DISC1: variants seen among roughly 807,000 people sequenced by gnomAD.
DISC1 encodes DISC1 scaffold protein, also known as disrupted in schizophrenia 1 protein.
DISC1 carries 57 observed loss-of-function variants against 84.5 expected under a neutral mutation model. That is an observed-to-expected ratio of 0.67 (90% CI 0.55 to 0.84). The LOEUF (loss-of-function observed/expected upper bound fraction) is 0.84, where lower values mean the gene tolerates loss of function less well. Among genes scored for constraint, DISC1 ranks in the 40% least tolerant of loss-of-function variants. The probability of loss-of-function intolerance (pLI) is 0.00; values close to 1 mark genes in which losing one functional copy is unlikely to be tolerated. For missense variants in DISC1, 1,000 were observed against 1,057.8 expected (o/e 0.95, Z 0.76); for synonymous variants, 411 against 415.2 (o/e 0.99, Z 0.12).
At chr1:231,769,101 C>T (rs1407720547) in intron 5 of DISC1, among the ~76,000 whole-genome samples, 1 of 152,122 alleles carries the variant, frequency 6.6e-6, no homozygotes, top group Non-Finnish European at 1.5e-5. Flanking sequence ...AACAGGGAAC[C>T]ATTGGATGGT....
chr1:231,966,155 T>C (rs1450938131), intron 10 of DISC1, among the ~76,000 whole-genome samples: 1 of 152,218 alleles, frequency 6.6e-6, no homozygotes, highest in Non-Finnish European at 1.5e-5. Context: ...CTTGACACTA[T>C]ATTCTCAACT....
At chr1:231,861,569 A>C (rs1041719922) in intron 9 of DISC1, among the ~76,000 whole-genome samples, 1 of 129,146 alleles carries the variant, frequency 7.7e-6, no homozygotes, top group Non-Finnish European at 1.6e-5. Context: ...ATTTGTATTT[A>C]TTTCTTTTTG....
chr1:231,867,349 A>C (rs2085134162), intron 9 of DISC1, among the ~76,000 whole-genome samples: 1 of 152,238 alleles, frequency 6.6e-6, no homozygotes, highest in Non-Finnish European at 1.5e-5. Flanking sequence ...TTTGCTTCAG[A>C]TGAGAATAGG....
chr1:231,982,734 C>T (rs1339151398), intron 10 of DISC1, among the ~76,000 whole-genome samples: 5 of 151,526 alleles, frequency 3.3e-5, no homozygotes, highest in Non-Finnish European at 7.4e-5. Context: ...CAGGTCATTG[C>T]AGGCAGAAAA....
intron 3 of DISC1, among the ~76,000 whole-genome samples, chr1:231,737,744 A>C (rs1347773162): frequency 6.6e-6 from 1 of 152,248 alleles, no homozygotes; most frequent in South Asian, 2.1e-4. Flanking sequence ...GTATGCTACA[A>C]AGAGCTCACA....
At chr1:232,026,772 T>C (rs1316969891) in intron 12 of DISC1, among the ~76,000 whole-genome samples, 2 of 142,278 alleles carry the variant, frequency 1.4e-5, no homozygotes, top group East Asian at 2.0e-4. Context: ...CTTTTTTTTT[T>C]TTTTTTTTTT....
intron 4 of DISC1, chr1:231,750,392 A>T: frequency 8.8e-7 from 1 of 1,136,932 alleles, no homozygotes; most frequent in South Asian, 3.0e-5. Context: ...CCTCTTGTTG[A>T]GGCAGCTTGG....
chr1:231,732,966 G>C (rs2071739415), intron 3 of DISC1, among the ~76,000 whole-genome samples: 1 of 152,092 alleles, frequency 6.6e-6, no homozygotes, highest in South Asian at 2.1e-4. Flanking sequence ...AGTGGTGATA[G>C]GAGTGGTGGT....
At chr1:232,006,342 A>G (rs1308176951) in intron 10 of DISC1, among the ~76,000 whole-genome samples, 1 of 152,206 alleles carries the variant, frequency 6.6e-6, no homozygotes, top group Non-Finnish European at 1.5e-5. Flanking sequence ...GCTTTGACCA[A>G]AATGCTGATA....
At chr1:231,963,738 G>A (rs1279986030) in intron 10 of DISC1, among the ~76,000 whole-genome samples, 1 of 152,152 alleles carries the variant, frequency 6.6e-6, no homozygotes, top group African/African-American at 2.4e-5. Context: ...AGCTTTATTC[G>A]GCTAGGAGCT....
At chr1:231,783,226 G>A (rs1449606602) in intron 6 of DISC1, among the ~76,000 whole-genome samples, 1 of 152,100 alleles carries the variant, frequency 6.6e-6, no homozygotes, top group Non-Finnish European at 1.5e-5. Flanking sequence ...ATCTTGTTTG[G>A]ACATTTAAAT....
rs546761980 is a variant in DISC1 at position 231,924,215 on chromosome 1, G to T, written c.1982-34613G>T. Among the ~76,000 whole-genome samples the T allele has an allele frequency of 2.6e-5, 4 of 152,310 alleles. No individual in the cohort carries two copies. In the East Asian group the frequency reaches 7.7e-4, roughly 29 times the overall value. ...GCATCCTGGAAAAGAAAGGCACAGG[G>T]TAAAGCCTGCCTCCTTTGCGGGTCC... On this transcript the variant is annotated intron_variant, in intron 9 of 12. Coordinates refer to ENST00000439617, the MANE Select transcript of DISC1 (RefSeq NM_018662.3).
At chr1:231,718,053 A>C (rs1427360682) in intron 3 of DISC1, among the ~76,000 whole-genome samples, 1 of 152,038 alleles carries the variant, frequency 6.6e-6, no homozygotes, top group African/African-American at 2.4e-5. Context: ...GTGGACTTTC[A>C]GCTCTCCCGG....
chr1:231,864,259 A>G (rs1287779824), intron 9 of DISC1, among the ~76,000 whole-genome samples: 1 of 152,124 alleles, frequency 6.6e-6, no homozygotes, highest in Non-Finnish European at 1.5e-5. Flanking sequence ...TTCCTACATC[A>G]GGCTTCCCTA....
At chr1:231,715,560 C>G (rs1395089226) in intron 3 of DISC1, among the ~76,000 whole-genome samples, 11 of 152,134 alleles carry the variant, frequency 7.2e-5, no homozygotes, top group Admixed American at 7.2e-4. Flanking sequence ...GTGCTGGGCT[C>G]AGGAAAAGTT....
chr1:232,039,161 C>T lies in DISC1; in HGVS notation c.*2330C>T, dbSNP rs1243686789. ...AATTGTGTCTAAAGAAAATTATGAACTGGTCACATGGCACTTGGAATCCTT... is the reference window on the plus strand; with the variant it reads ...AATTGTGTCTAAAGAAAATTATGAATTGGTCACATGGCACTTGGAATCCTT... On this transcript the variant is annotated 3_prime_UTR_variant, in exon 13 of 13. Transcript: ENST00000439617. 2 of 152,148 alleles carry T rather than the reference C, an allele frequency of 1.3e-5. No individual in the cohort carries two copies. Among genetic ancestry groups the T allele is most frequent in the Non-Finnish European group, 2.9e-5 (2 of 68,024 alleles). The allele number at this position is 152,148 out of a possible 1,614,324, so 9.4% of individuals were successfully genotyped here.
At chr1:231,659,605 G>T (rs557773617) in intron 1 of DISC1, among the ~76,000 whole-genome samples, 11 of 152,000 alleles carry the variant, frequency 7.2e-5, no homozygotes, top group Non-Finnish European at 1.2e-4. Context: ...CTTTTGATGT[G>T]GGCATTTAAT....
chr1:232,003,773 G>A (rs191650233), intron 10 of DISC1, among the ~76,000 whole-genome samples: 3 of 151,850 alleles, frequency 2.0e-5, no homozygotes, highest in Non-Finnish European at 2.9e-5. Flanking sequence ...CAAAAAGGGA[G>A]GTGAAAAAAA....
At chr1:231,932,802 A>G (rs2090748020) in intron 9 of DISC1, among the ~76,000 whole-genome samples, 1 of 152,180 alleles carries the variant, frequency 6.6e-6, no homozygotes, top group Non-Finnish European at 1.5e-5. Context: ...ATCCTGTAGT[A>G]GATGCATTGA....
Sources: gnomAD v4.1 joint callset for allele counts (sites outside exome capture counted in the v4.1 genomes callset) on GRCh38, gnomAD v4.1.1 for gene constraint, MANE v1.5 for transcripts, NCBI Gene and HGNC (gene_info 2026-07-23, HGNC 2026-07-21) for gene names.